Variants in ROBO2 observed in about 807,000 individuals in gnomAD.
ROBO2 encodes roundabout guidance receptor 2, also known as roundabout homolog 2.
In ROBO2, 53 loss-of-function variants were observed where a neutral mutation model predicts 160.8. The ratio of observed to expected loss-of-function variants is 0.33; its 90% CI spans 0.26 to 0.41. ROBO2 has a LOEUF of 0.41. Ranked by LOEUF, ROBO2 falls within the 10% of genes least tolerant of loss-of-function variation. ROBO2 has a pLI of 1.00. For synonymous variants in ROBO2, 664 were observed against 611.7 expected, an observed-to-expected ratio of 1.09 and a Z score of -1.26; for missense variants, 1,577 against 1,722.4, an observed-to-expected ratio of 0.92 and a Z score of 1.49.
At chr3:76,194,340 T>G (rs1461577857) in intron 2 of ROBO2, among the ~76,000 whole-genome samples, 6 of 99,744 alleles carry the variant, frequency 6.0e-5, no homozygotes, top group Non-Finnish European at 8.0e-5. Flanking sequence ...TATATAAATA[T>G]GTATGGTGTG....
chr3:76,460,584 A>G (rs535456264), intron 2 of ROBO2, among the ~76,000 whole-genome samples: 1 of 152,284 alleles, frequency 6.6e-6, no homozygotes, highest in East Asian at 1.9e-4. Flanking sequence ...ACCTTTGTGG[A>G]TAGGAATTGA....
intron 2 of ROBO2, among the ~76,000 whole-genome samples, chr3:76,017,288 G>A (rs1276837143): frequency 2.0e-5 from 3 of 152,124 alleles, no homozygotes; most frequent in South Asian, 2.1e-4. Flanking sequence ...ACTGGGGATC[G>A]GAGCCTACCG....
rs549233454 is a variant in ROBO2 at position 75,939,701 on chromosome 3, A to G, written c.109+2099A>G. 3.6e-3 allele frequency among the ~76,000 whole-genome samples: 546 copies of G among 152,284 alleles called. 2 individuals are homozygous for G. The highest frequency in any genetic ancestry group is 5.5e-3 in the Non-Finnish European group (371 of 68,008). ...ATGAGCAAATCTTATAATTGCAAGTATAACCCAAGCTGCATATCATCATTT... is the reference window on the plus strand; with the variant it reads ...ATGAGCAAATCTTATAATTGCAAGTGTAACCCAAGCTGCATATCATCATTT... On this transcript the variant is annotated intron_variant, in intron 2 of 26. Transcript: ENST00000487694.
intron 1 of ROBO2, among the ~76,000 whole-genome samples, chr3:77,068,994 T>C (rs2149820639): frequency 6.6e-6 from 1 of 152,342 alleles, no homozygotes; most frequent in African/African-American, 2.4e-5. Flanking sequence ...AATAAAGTTT[T>C]ATTTGAGCAT....
At chr3:77,429,276 C>T (rs553029277) in intron 2 of ROBO2, among the ~76,000 whole-genome samples, 2 of 152,238 alleles carry the variant, frequency 1.3e-5, no homozygotes, top group Admixed American at 1.3e-4. Context: ...CCAGGAGCTA[C>T]ATTTTATTAC....
intron 2 of ROBO2, among the ~76,000 whole-genome samples, chr3:76,829,715 C>T (rs1412326170): frequency 2.0e-5 from 3 of 149,924 alleles, no homozygotes; most frequent in African/African-American, 7.4e-5. Context: ...GTTGCCCAGG[C>T]TGGAGTGCAA....
intron 2 of ROBO2, among the ~76,000 whole-genome samples, chr3:76,891,242 T>C (rs1243410230): frequency 6.6e-6 from 1 of 152,186 alleles, no homozygotes; most frequent in African/African-American, 2.4e-5. Flanking sequence ...GATTGAACAA[T>C]AGTTTTTTCT....
At position 76,127,493 on chromosome 3, in the gene ROBO2, A is replaced by G. The variant is rs1425552655; in HGVS notation, c.109+189891A>G. On this transcript the variant is annotated intron_variant, in intron 2 of 26. Transcript: ENST00000487694. ...TCTAAAATATAAAATATTTTGAACA[A>G]TTTTATGTCTGTGATATAGTTGGAC... 2.6e-5 allele frequency among the ~76,000 whole-genome samples: 4 copies of G among 152,030 alleles called. No homozygotes were observed. In the East Asian group the frequency reaches 7.7e-4, roughly 29 times the overall value.
intron 2 of ROBO2, among the ~76,000 whole-genome samples, chr3:77,441,139 T>A (rs909562189): frequency 2.0e-5 from 3 of 152,076 alleles, no homozygotes; most frequent in Middle Eastern, 3.2e-3. Flanking sequence ...CTGGGGCTTG[T>A]CCCCTTGTGC....
intron 2 of ROBO2, among the ~76,000 whole-genome samples, chr3:76,753,925 A>G (rs2060823186): frequency 6.6e-6 from 1 of 151,852 alleles, no homozygotes; most frequent in Non-Finnish European, 1.5e-5. Flanking sequence ...GTCCAGTTAG[A>G]TATTATTTTT....
At chr3:76,930,512 A>G (rs2077268736) in intron 2 of ROBO2, among the ~76,000 whole-genome samples, 1 of 152,144 alleles carries the variant, frequency 6.6e-6, no homozygotes, top group African/African-American at 2.4e-5. Flanking sequence ...TTAATTATCA[A>G]GCTTACAGTC....
intron 2 of ROBO2, among the ~76,000 whole-genome samples, chr3:76,272,731 AAT>A (rs371717349): frequency 2.1e-5 from 1 of 47,914 alleles, no homozygotes; most frequent in Non-Finnish European, 5.0e-5. Context: ...TACACATATA[AAT>A]ATATATATTC....
intron 2 of ROBO2, among the ~76,000 whole-genome samples, chr3:77,315,858 G>GT (rs1391522366): frequency 6.6e-6 from 1 of 151,888 alleles, no homozygotes; most frequent in Non-Finnish European, 1.5e-5. Flanking sequence ...AAGAGCCAGG[G>GT]TTTTTTGCTT....
At chr3:76,679,661 A>G (rs2092505544) in intron 2 of ROBO2, among the ~76,000 whole-genome samples, 2 of 152,180 alleles carry the variant, frequency 1.3e-5, no homozygotes, top group South Asian at 4.1e-4. Context: ...TAACAAAAAT[A>G]ACACTATTAG....
chr3:76,685,527 T>C (rs1026165), intron 2 of ROBO2, among the ~76,000 whole-genome samples: 77,532 of 151,896 alleles, frequency 0.51, 20,202 homozygotes, highest in East Asian at 0.76. Flanking sequence ...GAGTTTCAAC[T>C]CATTGTTGAC....
intron 2 of ROBO2, among the ~76,000 whole-genome samples, chr3:76,910,364 T>G (rs1233520111): frequency 6.6e-6 from 1 of 152,122 alleles, no homozygotes; most frequent in Non-Finnish European, 1.5e-5. Flanking sequence ...TTTTATACAC[T>G]TATGAAATGA....
intron 2 of ROBO2, among the ~76,000 whole-genome samples, chr3:77,444,325 A>G (rs1253915100): frequency 1.3e-5 from 2 of 152,206 alleles, no homozygotes; most frequent in East Asian, 3.8e-4. Flanking sequence ...ATATTTGAGT[A>G]TATAATTATA....
chr3:76,074,533 A>G (rs2068580588), intron 2 of ROBO2, among the ~76,000 whole-genome samples: 1 of 152,230 alleles, frequency 6.6e-6, no homozygotes, highest in East Asian at 1.9e-4. Flanking sequence ...AGATGGACAG[A>G]GGTGCCAAAA....
At chr3:76,724,462 C>A (rs1269407377) in intron 2 of ROBO2, among the ~76,000 whole-genome samples, 1 of 152,190 alleles carries the variant, frequency 6.6e-6, no homozygotes, top group Non-Finnish European at 1.5e-5. Context: ...TTATTCTCCA[C>A]CTACACCATT....
Sources: allele counts gnomAD v4.1 joint callset (sites outside exome capture counted in the v4.1 genomes callset), GRCh38; gene constraint gnomAD v4.1.1; transcripts MANE v1.5; gene names NCBI Gene and HGNC (gene_info 2026-07-23, HGNC 2026-07-21).